MLXIPL: variants seen among roughly 807,000 people sequenced by gnomAD.
MLXIPL encodes MLX interacting protein like, also known as carbohydrate-responsive element-binding protein.
In MLXIPL, 49 loss-of-function variants were observed where a neutral mutation model predicts 81.5. The observed-to-expected ratio is 0.60, with a 90% confidence interval of 0.48 to 0.76. The LOEUF (loss-of-function observed/expected upper bound fraction) is 0.76, where lower values mean the gene tolerates loss of function less well. MLXIPL is among the 30% of genes least tolerant of loss of function. The pLI is 0.00. For missense variants in MLXIPL, 1,053 were observed against 1,167.0 expected, an observed-to-expected ratio of 0.90 and a Z score of 1.42; for synonymous variants, 466 against 485.5, an observed-to-expected ratio of 0.96 and a Z score of 0.53.
chr7:73,633,651 G>T, the MLXIPL span, among the ~76,000 whole-genome samples: 1 of 151,822 alleles, frequency 6.6e-6, no homozygotes, highest in South Asian at 2.1e-4. Flanking sequence ...ACAGGATCTT[G>T]CTATATTGCC....
chr7:73,601,585 C>T (rs992706214), intron 7 of MLXIPL, among the ~76,000 whole-genome samples: 1 of 152,250 alleles, frequency 6.6e-6, no homozygotes, highest in South Asian at 2.1e-4. Flanking sequence ...GGTTGGAATG[C>T]GGTGGCACCA....
chr7:73,595,946 C>G lies in MLXIPL; in HGVS notation c.2082G>C (p.Gln694His). Residue 694 changes from glutamine to histidine, a missense_variant, in exon 14 of 17, where the codon CAG becomes CAC. Physicochemically the swap from Gln to His is conservative, Grantham distance 24 (BLOSUM62 0). Around this residue, in one of 3 missense-constraint regions of MLXIPL, gnomAD observed 823 missense variants for 933.0 expected, o/e 0.88. Transcript: ENST00000313375. ...SLKVSKATTL[Q>H]KTAEYILMLQ... ...GCATAAGGATGTACTCAGCTGTCTT[C>G]TGCAGCGTGGTAGCTTTGCTCACCT... 1 of 1,613,186 alleles carries G rather than the reference C, an allele frequency of 6.2e-7. No individual in the cohort carries two copies. Among genetic ancestry groups the G allele is most frequent in the Non-Finnish European group, 8.5e-7 (1 of 1,180,020 alleles).
intron 1 of MLXIPL, among the ~76,000 whole-genome samples, chr7:73,619,851 A>AC (rs1285200908): frequency 1.4e-5 from 2 of 144,480 alleles, no homozygotes; most frequent in East Asian, 4.3e-4. Flanking sequence ...AATGGTGTGA[A>AC]CCCGGGAGGC....
Position 73,612,441 on chromosome 7 carries a change from G to A in MLXIPL, c.400+3630C>T, listed in dbSNP as rs898532275. Among the ~76,000 whole-genome samples the A allele has an allele frequency of 3.9e-5, 6 of 152,070 alleles. No individual in the cohort carries two copies. In the South Asian group the frequency reaches 6.2e-4, roughly 16 times the overall value. ...GGATCACCTGAGGTCGGGAGTTCGAGACCAGCCTGACCAACATGGAGAAAC... is the reference window on the plus strand; with the variant it reads ...GGATCACCTGAGGTCGGGAGTTCGAAACCAGCCTGACCAACATGGAGAAAC... On this transcript the variant is annotated intron_variant, in intron 2 of 16. Coordinates refer to ENST00000313375, the MANE Select transcript of MLXIPL (RefSeq NM_032951.3).
chr7:73,624,590 C>T, upstream of MLXIPL: 1 of 1,402,474 alleles, frequency 7.1e-7, no homozygotes. Context: ...GCCCCCACAC[C>T]ATAGGCCGAT....
At position 73,593,797 on chromosome 7, in the gene MLXIPL, C is replaced by G. The variant is rs782027020; in HGVS notation, c.*68G>C. ...CAGGAAGGGAGTGCCCAGAGATGAT[C>G]CCTGGAGCCCGTGCCCAGGGAAAGC... On this transcript the variant is annotated 3_prime_UTR_variant, in exon 17 of 17. Transcript: ENST00000313375. 4 of 1,349,222 alleles carry G rather than the reference C, an allele frequency of 3.0e-6. No individual in the cohort carries two copies. The highest frequency in any genetic ancestry group is 4.3e-6 in the Non-Finnish European group (4 of 940,068). The allele number at this position is 1,349,222 out of a possible 1,614,324, so 83.6% of individuals were successfully genotyped here.
chr7:73,636,424 A>G, the MLXIPL span, among the ~76,000 whole-genome samples: 1 of 151,222 alleles, frequency 6.6e-6, no homozygotes, highest in African/African-American at 2.4e-5. Flanking sequence ...AAAAAAAAAA[A>G]GACGAAGTGA....
intron 15 of MLXIPL, 65 bp from the exon 16 acceptor site, chr7:73,594,468 T>G (rs1037537890): frequency 6.3e-7 from 1 of 1,594,410 alleles, no homozygotes; most frequent in African/African-American, 1.3e-5. Flanking sequence ...GGAGCCCTGA[T>G]GCCCAGTTCA....
At chr7:73,599,192 C>A (rs1402972953) in intron 8 of MLXIPL, among the ~76,000 whole-genome samples, 5 of 151,794 alleles carry the variant, frequency 3.3e-5, no homozygotes, top group African/African-American at 9.7e-5. Context: ...GTTCTCCCAT[C>A]TGGCTTGAGG....
chr7:73,599,716 G>T (rs782666151), intron 7 of MLXIPL, 21 bp from the exon 8 acceptor site: 1 of 1,597,228 alleles, frequency 6.3e-7, no homozygotes, highest in East Asian at 2.2e-5. Context: ...GACACACAGG[G>T]CAACAGCAGT....
rs547472314 is a variant in MLXIPL, at chr7:73,615,720, G to T, written c.400+351C>A. ...ACTTGAGGTCAGGAGTTCAAGACCA[G>T]CCTGGCCAACATGGTGAAACCGTCT... On this transcript the variant is annotated intron_variant, in intron 2 of 16. Transcript: ENST00000313375. Among the ~76,000 whole-genome samples, 35 of 152,168 alleles carry T rather than the reference G, an allele frequency of 2.3e-4. No individual in the cohort carries two copies. In the South Asian group the frequency reaches 3.3e-3, roughly 14 times the overall value.
rs530397056 is a variant in MLXIPL at position 73,597,271 on chromosome 7, G to A, written c.1514C>T (p.Ala505Val). 301 of 1,581,292 alleles carry A rather than the reference G, an allele frequency of 1.9e-4. 1 individual carries two copies. The highest frequency in any genetic ancestry group is 1.1e-3 in the South Asian group (96 of 87,426). The part of the protein sequence containing the change: ...PPAPSPRGQK[A>V]SPPTLAPATA... ...GGCAGGGGCTAAGGTAGGGGGGCTG[G>A]CTTTCTGTCCCCTAGGGGATGGGGC... The change falls in exon 9 of 17, where the codon GCC (alanine) becomes GTC (valine). Residue 505 changes from alanine to valine, a missense_variant. Ala to Val is a moderately conservative substitution (Grantham distance 64). Coordinates refer to ENST00000313375, the MANE Select transcript of MLXIPL (RefSeq NM_032951.3).
intron 5 of MLXIPL, chr7:73,606,436 T>C (rs1406529216): frequency 1.1e-5 from 5 of 437,822 alleles, no homozygotes; most frequent in African/African-American, 1.0e-4. Flanking sequence ...TTCTTTTTTT[T>C]TTTTTTGGAG....
upstream of MLXIPL, among the ~76,000 whole-genome samples, chr7:73,627,565 C>T (rs1365193076): frequency 6.6e-6 from 1 of 152,044 alleles, no homozygotes; most frequent in Non-Finnish European, 1.5e-5. Flanking sequence ...TGGCAGTTAA[C>T]CGTCTTTTGA....
At chr7:73,646,141 C>T in the MLXIPL span, among the ~76,000 whole-genome samples, 2 of 152,174 alleles carry the variant, frequency 1.3e-5, no homozygotes, top group African/African-American at 4.8e-5. Flanking sequence ...CTGACAAACC[C>T]AACACATGTC....
intron 2 of MLXIPL, among the ~76,000 whole-genome samples, chr7:73,614,064 C>T (rs1033940467): frequency 2.2e-4 from 34 of 152,080 alleles, no homozygotes; most frequent in African/African-American, 5.8e-4. Flanking sequence ...ACAAACAACA[C>T]GAGACAATAC....
At chr7:73,628,241 G>C (rs1281788228), upstream of MLXIPL, among the ~76,000 whole-genome samples, 1 of 151,872 alleles carries the variant, frequency 6.6e-6, no homozygotes, top group South Asian at 2.1e-4. Flanking sequence ...TGTCTCCTGC[G>C]GTTTCAGGGA....
intron 2 of MLXIPL, among the ~76,000 whole-genome samples, chr7:73,613,149 C>G (rs1260831546): frequency 6.6e-6 from 1 of 152,126 alleles, no homozygotes; most frequent in Non-Finnish European, 1.5e-5. Flanking sequence ...GCCAAGTAAG[C>G]CCTTCTCCTC....
At chr7:73,629,972 A>AG in the MLXIPL span, among the ~76,000 whole-genome samples, 25 of 93,380 alleles carry the variant, frequency 2.7e-4, no homozygotes, top group South Asian at 4.4e-3. Flanking sequence ...CTTTTTTATT[A>AG]TTTTTATTTA....
Sources: allele counts gnomAD v4.1 joint callset (sites outside exome capture counted in the v4.1 genomes callset), GRCh38; gene constraint gnomAD v4.1.1; regional missense constraint gnomAD v4.1.1; transcripts MANE v1.5; gene names NCBI Gene and HGNC (gene_info 2026-07-23, HGNC 2026-07-21).